WIPF3: variants seen among roughly 807,000 people sequenced by gnomAD.
WIPF3 encodes the protein WAS/WASL-interacting protein family member 3.
Under a neutral mutation model 38.9 loss-of-function variants are expected in WIPF3, and 33 were observed. The observed-to-expected ratio is 0.85, with a 90% CI of 0.64 to 1.14. WIPF3 has a LOEUF of 1.14. WIPF3 is among the 50% of genes most tolerant of loss of function. WIPF3 has a pLI of 0.00. For synonymous variants in WIPF3, 324 were observed against 269.3 expected (o/e 1.20, Z -1.99); for missense variants, 711 against 652.5 (o/e 1.09, Z -0.98).
At chr7:29,857,120 T>C (rs1785198177) in intron 2 of WIPF3, among the ~76,000 whole-genome samples, 1 of 152,078 alleles carries the variant, frequency 6.6e-6, no homozygotes, top group African/African-American at 2.4e-5. Flanking sequence ...ATGGCTGCCC[T>C]CCTTACCAGC....
chr7:29,869,123 G>A (rs892956535), intron 2 of WIPF3, among the ~76,000 whole-genome samples: 16 of 151,764 alleles, frequency 1.1e-4, no homozygotes, highest in Non-Finnish European at 1.8e-4. Flanking sequence ...TCTGCCTCCC[G>A]GGTTCAAGAG....
intron 1 of WIPF3, among the ~76,000 whole-genome samples, chr7:29,806,985 T>G (rs1405301941): frequency 6.6e-6 from 1 of 151,788 alleles, no homozygotes; most frequent in East Asian, 2.0e-4. Context: ...GCTTGGTGAC[T>G]TCTCCGGACT....
At chr7:29,831,307 T>C (rs927706513) in intron 1 of WIPF3, among the ~76,000 whole-genome samples, 1 of 152,230 alleles carries the variant, frequency 6.6e-6, no homozygotes, top group African/African-American at 2.4e-5. Flanking sequence ...CCATGGGTTG[T>C]CTTGTTCTAT....
At chr7:29,840,596 T>C (rs1334067721) in intron 2 of WIPF3, among the ~76,000 whole-genome samples, 4 of 152,216 alleles carry the variant, frequency 2.6e-5, no homozygotes, top group Non-Finnish European at 5.9e-5. Context: ...GAAATGGAGT[T>C]AAAACTTTTT....
chr7:29,887,725 AC>A (rs1426144004), intron 5 of WIPF3, among the ~76,000 whole-genome samples: 2 of 152,168 alleles, frequency 1.3e-5, no homozygotes, highest in African/African-American at 4.8e-5. Context: ...GAAGGTTATC[AC>A]CATCATTAAT....
At chr7:29,852,509 T>C (rs1413797413) in intron 2 of WIPF3, among the ~76,000 whole-genome samples, 1 of 152,236 alleles carries the variant, frequency 6.6e-6, no homozygotes, top group Non-Finnish European at 1.5e-5. Context: ...GCAGCTATAT[T>C]AGGACATATT....
At chr7:29,890,994 C>G (rs13307195) in intron 7 of WIPF3, among the ~76,000 whole-genome samples, 7 of 111,680 alleles carry the variant, frequency 6.3e-5, no homozygotes, top group East Asian at 2.9e-4. Context: ...AGGGCCTGCC[C>G]TGTGCTCAGG....
intron 1 of WIPF3, among the ~76,000 whole-genome samples, chr7:29,831,359 G>A (rs930535979): frequency 1.3e-5 from 2 of 152,194 alleles, no homozygotes; most frequent in African/African-American, 2.4e-5. Context: ...CCACAATGGT[G>A]AGGAAGACCT....
intron 4 of WIPF3, 68 bp from the exon 5 acceptor site, chr7:29,883,782 G>A: frequency 2.7e-6 from 4 of 1,498,818 alleles, no homozygotes; most frequent in Non-Finnish European, 3.6e-6. Context: ...TGTCCTGAGT[G>A]CCGCCTACCT....
rs184114982 is a variant in WIPF3, at chr7:29,888,167, C to G, written c.1199C>G (p.Pro400Arg). The change falls in exon 6 of 9, where the codon CCG becomes CGG. Residue 400 changes from proline to arginine, a missense_variant. Coordinates refer to ENST00000242140, the MANE Select transcript of WIPF3 (RefSeq NM_001080529.3). ...AGCCAGCAGGCCACAGCCTGGACCC[C>G]GACGCAGCAGCCTGGAGGTCAACTG... Reference protein sequence around the residue: ...SKSQQATAWTPTQQPGGQLRN... With the variant: ...SKSQQATAWTRTQQPGGQLRN... 70 of 1,613,304 alleles carry G rather than the reference C, an allele frequency of 4.3e-5. No individual in the cohort carries two copies. The East Asian group carries it at 1.4e-3, about 32-fold the overall frequency.
chr7:29,899,445 A>G (rs1332217107), intron 7 of WIPF3, among the ~76,000 whole-genome samples: 1 of 152,238 alleles, frequency 6.6e-6, no homozygotes, highest in East Asian at 1.9e-4. Flanking sequence ...TCCGCAGTAC[A>G]GTGTAAGGCC....
intron 2 of WIPF3, among the ~76,000 whole-genome samples, chr7:29,851,628 C>G (rs1022073285): frequency 2.0e-5 from 3 of 152,194 alleles, no homozygotes; most frequent in African/African-American, 7.2e-5. Context: ...ACCTGGAAGG[C>G]TCGGTGGACT....
At chr7:29,911,367 C>T (rs1039467028) in intron 8 of WIPF3, among the ~76,000 whole-genome samples, 5 of 152,038 alleles carry the variant, frequency 3.3e-5, no homozygotes, top group African/African-American at 7.2e-5. Context: ...TAAACCCTAC[C>T]GAAATCTCAA....
intron 7 of WIPF3, among the ~76,000 whole-genome samples, chr7:29,889,943 G>C (rs1332211479): frequency 6.6e-6 from 1 of 152,168 alleles, no homozygotes; most frequent in Admixed American, 6.5e-5. Flanking sequence ...AAGCTGCCAG[G>C]TCATTCCAAC....
chr7:29,898,667 A>G lies in WIPF3; in HGVS notation c.1352-5619A>G, dbSNP rs115263859. ...CTGCAATTTCCAGAACATTCCAAGT[A>G]CACATTTGTTCCTGGGCTCTGCATT... On this transcript the variant is annotated intron_variant, in intron 7 of 8. Transcript: ENST00000242140. Among the ~76,000 whole-genome samples the G allele has an allele frequency of 4.0e-3, 611 of 152,224 alleles. 5 individuals carry two copies. The highest frequency in any genetic ancestry group is 0.014 in the African/African-American group (583 of 41,522).
intron 2 of WIPF3, among the ~76,000 whole-genome samples, chr7:29,860,930 C>T (rs185718430): frequency 2.2e-4 from 33 of 150,386 alleles, no homozygotes; most frequent in East Asian, 7.8e-4. Flanking sequence ...CGGTGGGGAG[C>T]GGTGGGGGTG....
chr7:29,845,287 A>G (rs1265572274), intron 2 of WIPF3, among the ~76,000 whole-genome samples: 1 of 152,230 alleles, frequency 6.6e-6, no homozygotes, highest in Admixed American at 6.5e-5. Flanking sequence ...TGCTGCTAGC[A>G]GTGCGGGGCA....
At chr7:29,834,610 T>G in intron 1 of WIPF3, 58 bp from the exon 2 acceptor site, 1 of 1,351,646 alleles carries the variant, frequency 7.4e-7, no homozygotes, top group Non-Finnish European at 9.7e-7. Context: ...AAGATACACA[T>G]TTCCTGCATG....
At chr7:29,810,989 A>G (rs775409491) in intron 1 of WIPF3, among the ~76,000 whole-genome samples, 1 of 152,092 alleles carries the variant, frequency 6.6e-6, no homozygotes, top group Admixed American at 6.5e-5. Flanking sequence ...CCCACACTCA[A>G]GTGATCCTCC....
Sources: gnomAD v4.1 joint callset for allele counts (sites outside exome capture counted in the v4.1 genomes callset) on GRCh38, gnomAD v4.1.1 for gene constraint, MANE v1.5 for transcripts, NCBI Gene and HGNC (gene_info 2026-07-23, HGNC 2026-07-21) for gene names.